NOL4L: variants seen among roughly 807,000 people sequenced by gnomAD.
NOL4L encodes the protein nucleolar protein 4 like, also known as nucleolar protein 4-like.
NOL4L carries 7 observed loss-of-function variants against 64.5 expected under a neutral mutation model. The ratio of observed to expected loss-of-function variants is 0.11; its 90% CI spans 0.06 to 0.20. The LOEUF (loss-of-function observed/expected upper bound fraction) is 0.20. NOL4L is among the 10% of genes least tolerant of loss of function. The pLI is 1.00. For synonymous variants in NOL4L, 413 were observed against 401.0 expected, an observed-to-expected ratio of 1.03 and a Z score of -0.36; for missense variants, 680 against 967.1, an observed-to-expected ratio of 0.70 and a Z score of 3.94.
chr20:32,498,200 G>A (rs1386681533), intron 4 of NOL4L, among the ~76,000 whole-genome samples: 5 of 152,076 alleles, frequency 3.3e-5, no homozygotes, highest in Non-Finnish European at 7.4e-5. Flanking sequence ...TTCCCACACA[G>A]CTTCAGGGAA....
chr20:32,458,871 G>A (rs2013791080), intron 5 of NOL4L, among the ~76,000 whole-genome samples: 1 of 152,220 alleles, frequency 6.6e-6, no homozygotes, highest in Admixed American at 6.5e-5. Flanking sequence ...AGGTTTTCCC[G>A]AGAAGATGGA....
At chr20:32,475,354 G>C (rs1443236171) in intron 4 of NOL4L, 1 of 985,348 alleles carries the variant, frequency 1.0e-6, no homozygotes, top group Non-Finnish European at 1.2e-6. Context: ...CCCCAGAAGT[G>C]CAGAGAAGGA....
rs919700832 is a variant in NOL4L, at chr20:32,445,299, T to C, written c.*2297A>G. On this transcript the variant is annotated 3_prime_UTR_variant, in exon 11 of 11. Coordinates refer to ENST00000621426, the MANE Select transcript of NOL4L (RefSeq NM_001256798.2). The stretch of plus-strand genomic sequence containing the variant: ...CTGATCTTTAGATCTAATCCTTGTG[T>C]GGGTAGGGGGAGGGAGCCCCTTCCC... 6.6e-6 allele frequency: 1 copy of C among 152,218 alleles called. No homozygotes were observed. The highest frequency in any genetic ancestry group is 2.4e-5 in the African/African-American group (1 of 41,456). The allele number at this position is 152,218 out of a possible 1,614,324, so 9.4% of individuals were successfully genotyped here.
chr20:32,518,566 G>A (rs532228231), intron 3 of NOL4L, among the ~76,000 whole-genome samples: 10 of 152,356 alleles, frequency 6.6e-5, no homozygotes, highest in South Asian at 2.1e-4. Flanking sequence ...AGAGGGGAGC[G>A]GATGGCGCCT....
intron 4 of NOL4L, among the ~76,000 whole-genome samples, chr20:32,486,521 T>G (rs2016092796): frequency 6.6e-6 from 1 of 152,108 alleles, no homozygotes; most frequent in South Asian, 2.1e-4. Context: ...CAGCTTCCCA[T>G]ATGAAGTAAG....
chr20:32,571,110 G>T (rs985443139), intron 1 of NOL4L, among the ~76,000 whole-genome samples: 6 of 152,218 alleles, frequency 3.9e-5, no homozygotes, highest in African/African-American at 9.7e-5. Flanking sequence ...GAACCAGCGG[G>T]CAGGGAATGG....
intron 1 of NOL4L, among the ~76,000 whole-genome samples, chr20:32,539,735 A>C (rs1013792768): frequency 6.6e-6 from 1 of 152,096 alleles, no homozygotes; most frequent in Admixed American, 6.5e-5. Flanking sequence ...CTCAGTCTGC[A>C]TATCTTCTAA....
chr20:32,540,524 C>A (rs140549263), intron 1 of NOL4L, among the ~76,000 whole-genome samples: 4 of 152,334 alleles, frequency 2.6e-5, no homozygotes, highest in African/African-American at 9.6e-5. Context: ...CCGGCCCCCA[C>A]ACCTGCCCAG....
chr20:32,493,261 G>A lies in NOL4L; in HGVS notation c.699+18086C>T, dbSNP rs182471104. 3.2e-3 allele frequency among the ~76,000 whole-genome samples: 494 copies of A among 152,280 alleles called. 3 individuals carry two copies. Among genetic ancestry groups the A allele is most frequent in the African/African-American group, 0.011 (475 of 41,562 alleles). ...GTCCAAGGAAGCCATGCAGGGAAAC[G>A]GGCAGGTTACCAAGAGAAAGAGGCA... On this transcript the variant is annotated intron_variant, in intron 4 of 10. Transcript: ENST00000621426.
chr20:32,584,313 C>T (rs1266048027), intron 1 of NOL4L, among the ~76,000 whole-genome samples: 1 of 151,100 alleles, frequency 6.6e-6, no homozygotes, highest in East Asian at 2.0e-4. Context: ...GGTGAGCAGC[C>T]CGGGACAGCC....
chr20:32,464,884 C>A lies in NOL4L; in HGVS notation c.842-8489G>T. ...CAGAGCTGAGATATTTCACCTTCTT[C>A]TTTCCTACGGAGCCGCTGAGACGCA... On this transcript the variant is annotated intron_variant, in intron 5 of 10. Transcript: ENST00000621426. This position sits in a 1 kb window ranked among gnomAD's most constrained non-coding sequence, Gnocchi z 5.6. 1 of 422,984 alleles carries A rather than the reference C, an allele frequency of 2.4e-6. No homozygotes were observed. The allele number at this position is 422,984 out of a possible 1,614,324, so 26.2% of individuals were successfully genotyped here.
In NOL4L at chr20:32,453,759, G is replaced by T; in HGVS notation, c.1122C>A (p.Ser374=). 1.3e-6 allele frequency: 2 copies of T among 1,552,524 alleles called. No homozygotes were observed. The highest frequency in any genetic ancestry group is 1.7e-6 in the Non-Finnish European group (2 of 1,147,372). ...CGTAGCTCCCAGAGCTGTAGGGGGG[G>T]GACTAAAAGGAGGGCAAGAGGCAGA... ...VKYGVKTTPE[S]PPYSSGSYDS... The change falls in exon 7 of 11, where the codon TCC becomes TCA. Residue 374 remains serine, a splice_region_variant and synonymous_variant. Transcript: ENST00000621426. The surrounding 1 kb of genome is among the most constrained non-coding windows in gnomAD (Gnocchi z 5.6).
At chr20:32,521,812 C>G (rs1448917468) in intron 2 of NOL4L, among the ~76,000 whole-genome samples, 1 of 152,226 alleles carries the variant, frequency 6.6e-6, no homozygotes, top group Non-Finnish European at 1.5e-5. Context: ...GTCCCAGGTT[C>G]CCTGGGCTGA....
At position 32,488,794 on chromosome 20, in the gene NOL4L, T is replaced by TTCCTTCCTTC. The variant is rs1568647934; in HGVS notation, c.700-14053_700-14052insGAAGGAAGGA. Among the ~76,000 whole-genome samples, 46 of 48,732 alleles carry TTCCTTCCTTC rather than the reference T, an allele frequency of 9.4e-4. 3 individuals carry two copies. The highest frequency in any genetic ancestry group is 5.4e-3 in the East Asian group (9 of 1,674). The allele number at this position is 48,732 out of a possible 152,430, so 32.0% of individuals were successfully genotyped here. ...TCCTTCCTTCCTTCCTTCCTTCCTT[T>TTCCTTCCTTC]CTTTCTTTCTTTTTCTTTCTTTCTT... On this transcript the variant is annotated intron_variant, in intron 4 of 10. Coordinates refer to ENST00000621426, the MANE Select transcript of NOL4L (RefSeq NM_001256798.2).
intron 5 of NOL4L, among the ~76,000 whole-genome samples, chr20:32,469,523 C>T (rs2014848345): frequency 6.6e-6 from 1 of 152,058 alleles, no homozygotes; most frequent in Non-Finnish European, 1.5e-5. Context: ...AGGCATGTGC[C>T]ACCACACCCA....
intron 4 of NOL4L, among the ~76,000 whole-genome samples, chr20:32,503,886 C>A (rs2017023926): frequency 6.6e-6 from 1 of 152,058 alleles, no homozygotes; most frequent in African/African-American, 2.4e-5. Context: ...AATAGCACTA[C>A]TCCCTCTTTT....
chr20:32,488,811 TTC>T lies in NOL4L; in HGVS notation c.700-14071_700-14070del, dbSNP rs1568648387. ...CCTTCCTTTCTTTCTTTCTTTTTCT[TTC>T]TTTCTTTCTTTCTTTTTCTTTCTTT... On this transcript the variant is annotated intron_variant, in intron 4 of 10. Transcript: ENST00000621426. Among the ~76,000 whole-genome samples the T allele has an allele frequency of 7.4e-3, 166 of 22,446 alleles. 1 individual carries two copies. Among genetic ancestry groups the T allele is most frequent in the Middle Eastern group, 0.042 (2 of 48 alleles). The allele number at this position is 22,446 out of a possible 152,430, so 14.7% of individuals were successfully genotyped here.
intron 4 of NOL4L, among the ~76,000 whole-genome samples, chr20:32,483,187 C>A (rs945346538): frequency 1.3e-5 from 2 of 151,208 alleles, no homozygotes; most frequent in African/African-American, 2.4e-5. Flanking sequence ...CCCCGCGCCC[C>A]CTCCCTCAGC....
intron 5 of NOL4L, among the ~76,000 whole-genome samples, chr20:32,461,421 CTTTTTTTTTTT>C (rs869282447): frequency 6.9e-5 from 4 of 58,346 alleles, no homozygotes; most frequent in Non-Finnish European, 1.2e-4. Flanking sequence ...CCTTTCTTTT[CTTTTTTTTTTT>C]TTTTTTTTGA....
Sources: gnomAD v4.1 joint callset for allele counts (sites outside exome capture counted in the v4.1 genomes callset) on GRCh38, gnomAD v4.1.1 for gene constraint, Gnocchi (gnomAD v3.1) non-coding constraint, MANE v1.5 for transcripts, NCBI Gene and HGNC (gene_info 2026-07-23, HGNC 2026-07-21) for gene names.